GBE1: variants seen among roughly 807,000 people sequenced by gnomAD.
GBE1 encodes the protein 1,4-alpha-glucan branching enzyme 1, also known as 1,4-alpha-glucan-branching enzyme.
In GBE1, 70 loss-of-function variants were observed where a neutral mutation model predicts 88.8. The ratio of observed to expected loss-of-function variants is 0.79; its 90% confidence interval spans 0.65 to 0.96. GBE1 has a LOEUF of 0.96. GBE1 is among the 40% of genes least tolerant of loss of function. GBE1 has a pLI of 0.00. For synonymous variants in GBE1, 284 were observed against 300.1 expected (o/e 0.95, Z 0.56); for missense variants, 872 against 871.0 (o/e 1.00, Z -0.01).
chr3:81,654,480 G>T (rs754678726), intron 3 of GBE1: 3 of 152,170 alleles, frequency 2.0e-5, no homozygotes, highest in Non-Finnish European at 2.9e-5. Context: ...CAGCTGGTTA[G>T]AAGTAACTGT....
intron 12 of GBE1, among the ~76,000 whole-genome samples, chr3:81,564,803 G>T (rs1301646257): frequency 1.3e-5 from 2 of 152,078 alleles, no homozygotes; most frequent in African/African-American, 4.8e-5. Context: ...CACAGTCCAG[G>T]TCAATCTGTC....
intron 8 of GBE1, among the ~76,000 whole-genome samples, 190 bp downstream of exon 8, chr3:81,593,718 A>G (rs1211909838): frequency 2.0e-5 from 3 of 152,194 alleles, no homozygotes; most frequent in Non-Finnish European, 4.4e-5. Context: ...TTCAGCAGAT[A>G]TATTTCAAAG....
At chr3:81,668,210 G>A (rs116022246) in intron 3 of GBE1, among the ~76,000 whole-genome samples, 2,275 of 152,180 alleles carry the variant, frequency 0.015, 74 homozygotes, top group African/African-American at 0.052. Flanking sequence ...ACCAGGGCCT[G>A]TTGTGGGGTG....
At chr3:81,622,518 T>C (rs564459777) in intron 7 of GBE1, among the ~76,000 whole-genome samples, 6 of 152,354 alleles carry the variant, frequency 3.9e-5, no homozygotes, top group Non-Finnish European at 5.9e-5. Context: ...CTGCTTTGAA[T>C]GCCCTTTACA....
intron 1 of GBE1, among the ~76,000 whole-genome samples, chr3:81,750,617 G>GTATATATATATATGTA (rs1425084890): frequency 2.4e-5 from 1 of 42,138 alleles, no homozygotes; most frequent in Non-Finnish European, 3.9e-5. Flanking sequence ...ATATATATAT[G>GTATATATATATATGTA]TATATATATA....
chr3:81,740,397 T>C (rs1019298712), intron 1 of GBE1, among the ~76,000 whole-genome samples: 1 of 151,878 alleles, frequency 6.6e-6, no homozygotes, highest in Non-Finnish European at 1.5e-5. Flanking sequence ...TTTAAGCTGG[T>C]ATCTACCCAT....
chr3:81,520,451 G>T (rs1280311634), intron 14 of GBE1, among the ~76,000 whole-genome samples: 7 of 151,506 alleles, frequency 4.6e-5, no homozygotes, highest in African/African-American at 9.7e-5. Context: ...TTAAAATGTG[G>T]TATAATCATT....
intron 9 of GBE1, among the ~76,000 whole-genome samples, chr3:81,587,905 T>A (rs1401201255): frequency 3.3e-5 from 5 of 152,174 alleles, no homozygotes. Flanking sequence ...TGGAAAGACA[T>A]CTTTCCACCA....
chr3:81,492,718 TTCC>T (rs1702453776), intron 15 of GBE1, among the ~76,000 whole-genome samples: 2 of 34,992 alleles, frequency 5.7e-5, no homozygotes, highest in Non-Finnish European at 1.6e-4. Context: ...CTTTCCTTCC[TTCC>T]TTCCTTCCTT....
intron 12 of GBE1, among the ~76,000 whole-genome samples, chr3:81,550,723 G>C (rs1055641549): frequency 1.3e-5 from 2 of 152,068 alleles, no homozygotes; most frequent in East Asian, 3.9e-4. Context: ...ATTGCTATAC[G>C]CCCACCATCA....
At chr3:81,586,053 G>T in intron 10 of GBE1, 39 bp downstream of exon 10, 1 of 1,112,234 alleles carries the variant, frequency 9.0e-7, no homozygotes, top group Non-Finnish European at 1.4e-6. Context: ...AAGCAACACA[G>T]TATTCACAGA....
At chr3:81,543,109 T>A (rs892466496) in intron 12 of GBE1, among the ~76,000 whole-genome samples, 1 of 152,096 alleles carries the variant, frequency 6.6e-6, no homozygotes, top group Non-Finnish European at 1.5e-5. Flanking sequence ...GAAATTAAAT[T>A]TCTAAGTTAG....
chr3:81,591,438 G>T (rs1273796998), intron 8 of GBE1, among the ~76,000 whole-genome samples: 1 of 152,040 alleles, frequency 6.6e-6, no homozygotes, highest in Non-Finnish European at 1.5e-5. Flanking sequence ...AAATTATATG[G>T]CAAAAAGTGA....
chr3:81,608,528 G>A (rs755979365), intron 7 of GBE1, among the ~76,000 whole-genome samples: 20 of 152,114 alleles, frequency 1.3e-4, no homozygotes, highest in Non-Finnish European at 2.8e-4. Flanking sequence ...GAATACGTTT[G>A]TGATATTTGC....
chr3:81,697,554 C>T (rs1456715724), intron 2 of GBE1, among the ~76,000 whole-genome samples: 5 of 152,112 alleles, frequency 3.3e-5, no homozygotes, highest in African/African-American at 1.2e-4. Context: ...CTGGCCTTGG[C>T]CTCGCAAAGT....
intron 7 of GBE1, among the ~76,000 whole-genome samples, chr3:81,596,642 A>G (rs1462150404): frequency 6.6e-6 from 1 of 151,944 alleles, no homozygotes; most frequent in African/African-American, 2.4e-5. Context: ...TAAAATACTT[A>G]GGACACATTA....
chr3:81,679,668 CTA>C (rs928636769), intron 2 of GBE1, among the ~76,000 whole-genome samples: 17 of 152,302 alleles, frequency 1.1e-4, no homozygotes, highest in African/African-American at 1.4e-4. Flanking sequence ...TCAAAACAGA[CTA>C]TAATTGTAAC....
chr3:81,570,411 G>C (rs934938784), intron 12 of GBE1, among the ~76,000 whole-genome samples: 1 of 152,176 alleles, frequency 6.6e-6, no homozygotes, highest in South Asian at 2.1e-4. Flanking sequence ...TCATAAGTGT[G>C]AGCAAGATGT....
chr3:81,748,592 T>G (rs1472741896), intron 1 of GBE1, among the ~76,000 whole-genome samples: 1 of 150,498 alleles, frequency 6.6e-6, no homozygotes, highest in African/African-American at 2.4e-5. Context: ...GCCTGGGTGA[T>G]AGAGCAAGGA....
Sources: allele counts gnomAD v4.1 joint callset (sites outside exome capture counted in the v4.1 genomes callset), GRCh38; gene constraint gnomAD v4.1.1; transcripts MANE v1.5; gene names NCBI Gene and HGNC (gene_info 2026-07-23, HGNC 2026-07-21).